The following PTPRG variants were observed in gnomAD, a reference collection of about 807,000 sequenced individuals.
PTPRG encodes protein tyrosine phosphatase receptor type G.
Under a neutral mutation model 165.3 loss-of-function variants are expected in PTPRG, and 102 were observed. The ratio of observed to expected loss-of-function variants is 0.62; its 90% confidence interval spans 0.53 to 0.73. The LOEUF (loss-of-function observed/expected upper bound fraction) is 0.73, where lower values mean the gene tolerates loss of function less well. Ranked by LOEUF, PTPRG falls within the 30% of genes least tolerant of loss-of-function variation. The pLI is 0.00. For missense variants in PTPRG, 1,866 were observed against 1,861.4 expected (o/e 1.00, Z -0.05); for synonymous variants, 675 against 669.5 (o/e 1.01, Z -0.13).
intron 2 of PTPRG, among the ~76,000 whole-genome samples, chr3:61,915,547 A>G (rs1409953648): frequency 6.6e-6 from 1 of 152,164 alleles, no homozygotes; most frequent in Non-Finnish European, 1.5e-5. Context: ...ATTTGTCATC[A>G]TCTTATTATT....
intron 4 of PTPRG, among the ~76,000 whole-genome samples, chr3:62,045,303 C>T (rs1024631219): frequency 6.6e-6 from 1 of 152,130 alleles, no homozygotes; most frequent in African/African-American, 2.4e-5. Flanking sequence ...TATTTGGTTT[C>T]ATTAAAAATA....
At chr3:61,992,249 A>AC (rs1553701698) in intron 3 of PTPRG, among the ~76,000 whole-genome samples, 3 of 150,168 alleles carry the variant, frequency 2.0e-5, no homozygotes, top group Non-Finnish European at 4.5e-5. Flanking sequence ...GCATTTTTGC[A>AC]TTTTTTTTTT....
At chr3:61,585,423 C>T (rs147731942) in intron 1 of PTPRG, among the ~76,000 whole-genome samples, 97 of 152,112 alleles carry the variant, frequency 6.4e-4, no homozygotes, top group African/African-American at 1.9e-3. Flanking sequence ...GTACTATAGC[C>T]ATTGGGTGGG....
chr3:61,726,559 G>A lies in PTPRG; in HGVS notation c.86-22319G>A, dbSNP rs561879042. On this transcript the variant is annotated intron_variant, in intron 1 of 29. Transcript: ENST00000474889. ...CTAGGACATATAAGATAACCACAAAGCCATTTTATAATCCATTAAACACTG... is the reference window on the plus strand; with the variant it reads ...CTAGGACATATAAGATAACCACAAAACCATTTTATAATCCATTAAACACTG... Among the ~76,000 whole-genome samples the A allele has an allele frequency of 4.6e-5, 7 of 152,190 alleles. 1 individual carries two copies. Among genetic ancestry groups the A allele is most frequent in the Middle Eastern group, 3.4e-3 (1 of 294 alleles).
chr3:62,186,933 T>C (rs1699670731), intron 8 of PTPRG, among the ~76,000 whole-genome samples: 1 of 152,114 alleles, frequency 6.6e-6, no homozygotes, highest in Admixed American at 6.5e-5. Flanking sequence ...AAGAGGAAGA[T>C]GGCAAGCCAT....
At chr3:62,157,940 C>T (rs960080692) in intron 7 of PTPRG, among the ~76,000 whole-genome samples, 1 of 152,114 alleles carries the variant, frequency 6.6e-6, no homozygotes, top group Non-Finnish European at 1.5e-5. Context: ...AACATCATGG[C>T]GTGGAGAGAT....
chr3:61,620,291 A>G (rs968750017), intron 1 of PTPRG, among the ~76,000 whole-genome samples: 1 of 152,168 alleles, frequency 6.6e-6, no homozygotes, highest in African/African-American at 2.4e-5. Flanking sequence ...CAGTTTGCCT[A>G]TTACGTGTTG....
chr3:62,079,574 A>G (rs1203026631), intron 5 of PTPRG, among the ~76,000 whole-genome samples: 1 of 152,204 alleles, frequency 6.6e-6, no homozygotes, highest in Non-Finnish European at 1.5e-5. Context: ...TATAATGTGT[A>G]TTGCTTACTG....
intron 1 of PTPRG, among the ~76,000 whole-genome samples, chr3:61,702,294 T>C (rs752589854): frequency 1.3e-5 from 2 of 152,198 alleles, no homozygotes; most frequent in Non-Finnish European, 2.9e-5. Context: ...TAGTAGCCTG[T>C]GTGCTTTGAT....
chr3:62,239,320 G>A (rs750306804), intron 14 of PTPRG, among the ~76,000 whole-genome samples: 4 of 151,222 alleles, frequency 2.6e-5, no homozygotes, highest in East Asian at 1.9e-4. Context: ...TAAGCACTTC[G>A]AGAAATTCTT....
At chr3:61,824,094 A>G (rs1054634110) in intron 2 of PTPRG, among the ~76,000 whole-genome samples, 6 of 152,054 alleles carry the variant, frequency 3.9e-5, no homozygotes, top group African/African-American at 1.4e-4. Flanking sequence ...ACTGCACTCC[A>G]TTCAGCCTGG....
At chr3:61,795,622 A>AGGGTGAC (rs1392741081) in intron 2 of PTPRG, among the ~76,000 whole-genome samples, 2 of 135,372 alleles carry the variant, frequency 1.5e-5, no homozygotes, top group Non-Finnish European at 3.1e-5. Flanking sequence ...CCTGGGTGAC[A>AGGGTGAC]GAGCAAGACT....
At chr3:61,677,244 C>CAAA (rs11426161) in intron 1 of PTPRG, among the ~76,000 whole-genome samples, 896 of 71,460 alleles carry the variant, frequency 0.013, 21 homozygotes, top group African/African-American at 0.039. Flanking sequence ...GACTCCGTCT[C>CAAA]AAAAAAAAAA....
intron 2 of PTPRG, among the ~76,000 whole-genome samples, chr3:61,892,990 G>T (rs967663464): frequency 6.6e-6 from 1 of 152,108 alleles, no homozygotes. Flanking sequence ...AATCAAACTC[G>T]ATTCAAAACC....
intron 6 of PTPRG, among the ~76,000 whole-genome samples, chr3:62,154,801 G>A (rs1704474223): frequency 1.3e-5 from 2 of 152,180 alleles, no homozygotes; most frequent in African/African-American, 4.8e-5. Flanking sequence ...TCCTAAGGCA[G>A]GTTGGTGTGC....
intron 2 of PTPRG, among the ~76,000 whole-genome samples, chr3:61,875,997 TTAAATAAA>T (rs200544163): frequency 9.9e-5 from 15 of 152,110 alleles, no homozygotes; most frequent in Admixed American, 4.6e-4. Context: ...CAGTCTTTCT[TTAAATAAA>T]TAAATAAATA....
intron 1 of PTPRG, among the ~76,000 whole-genome samples, chr3:61,611,428 G>A (rs1701163697): frequency 6.6e-6 from 1 of 152,024 alleles, no homozygotes; most frequent in Admixed American, 6.6e-5. Flanking sequence ...ATCTTGACTG[G>A]TAAGTAAAAA....
intron 2 of PTPRG, among the ~76,000 whole-genome samples, chr3:61,966,203 C>G (rs2040267442): frequency 6.6e-6 from 1 of 152,170 alleles, no homozygotes; most frequent in African/African-American, 2.4e-5. Context: ...GCATGCTTAA[C>G]TATCTGCTGG....
chr3:61,578,064 G>A (rs754094384), intron 1 of PTPRG, among the ~76,000 whole-genome samples: 46 of 152,296 alleles, frequency 3.0e-4, no homozygotes, highest in Non-Finnish European at 5.0e-4. Flanking sequence ...AATAAAAGCC[G>A]TTGTTATTAT....
Sources: gnomAD v4.1 joint callset for allele counts (sites outside exome capture counted in the v4.1 genomes callset) on GRCh38, gnomAD v4.1.1 for gene constraint, MANE v1.5 for transcripts, NCBI Gene and HGNC (gene_info 2026-07-23, HGNC 2026-07-21) for gene names.